Variants in OR51B5 observed in about 807,000 individuals in gnomAD.
OR51B5 encodes the protein olfactory receptor family 51 subfamily B member 5.
For missense variants in OR51B5, 456 were observed against 374.6 expected, an observed-to-expected ratio of 1.22 and a Z score of -1.79; for synonymous variants, 186 against 144.8, an observed-to-expected ratio of 1.28 and a Z score of -2.04.
intron 1 of OR51B5, chr11:5,488,690 T>A: frequency 6.4e-7 from 1 of 1,566,760 alleles, no homozygotes; most frequent in Non-Finnish European, 8.8e-7. Context: ...GAAAGAGCCC[T>A]TCATTTGCCA....
chr11:5,342,277 A>C (rs547015500), downstream of OR51B5, among the ~76,000 whole-genome samples: 2 of 152,186 alleles, frequency 1.3e-5, no homozygotes, highest in Non-Finnish European at 2.9e-5. Flanking sequence ...CTAACTTTAT[A>C]CCATGAAATA....
At chr11:5,451,305 C>T (rs1008990666) in intron 1 of OR51B5, among the ~76,000 whole-genome samples, 1 of 152,222 alleles carries the variant, frequency 6.6e-6, no homozygotes, top group Non-Finnish European at 1.5e-5. Flanking sequence ...GAACAAAATC[C>T]TGCTTTCAGC....
At chr11:5,416,130 A>G (rs2133755127) in intron 1 of OR51B5, among the ~76,000 whole-genome samples, 1 of 150,290 alleles carries the variant, frequency 6.7e-6, no homozygotes, top group East Asian at 1.9e-4. Context: ...ATATATGCAA[A>G]TCAATAAATG....
At chr11:5,420,697 CTA>C (rs1354015715) in intron 1 of OR51B5, among the ~76,000 whole-genome samples, 1 of 151,974 alleles carries the variant, frequency 6.6e-6, no homozygotes, top group Non-Finnish European at 1.5e-5. Context: ...ATTATTTTCT[CTA>C]TTTTATTTTT....
chr11:5,372,327 T>C (rs939306901), intron 1 of OR51B5, among the ~76,000 whole-genome samples: 1 of 146,232 alleles, frequency 6.8e-6, no homozygotes, highest in Non-Finnish European at 1.5e-5. Flanking sequence ...CTATTTTTAG[T>C]TGTTTGAGAA....
intron 1 of OR51B5, among the ~76,000 whole-genome samples, chr11:5,403,859 G>A (rs1850013969): frequency 6.6e-6 from 1 of 152,110 alleles, no homozygotes; most frequent in Non-Finnish European, 1.5e-5. Context: ...AAGGCACCTG[G>A]GAGTTAGAAG....
chr11:5,451,830 A>C (rs7942704), intron 1 of OR51B5, among the ~76,000 whole-genome samples: 71,190 of 151,964 alleles, frequency 0.47, 16,949 homozygotes, highest in Non-Finnish European at 0.5. Flanking sequence ...AATGAGGGTG[A>C]CCTATTAGCT....
chr11:5,453,879 C>T lies in OR51B5; in HGVS notation n.84+51690G>A, dbSNP rs780180209. 1.7e-5 allele frequency: 27 copies of T among 1,614,058 alleles called. No individual in the cohort carries two copies. Among genetic ancestry groups the T allele is most frequent in the African/African-American group, 1.1e-4 (8 of 74,928 alleles). ...CTATGTGGCCATTTGTGACCCCTTG[C>T]GCTATGCAACTGTGCTCACCACTGA... On this transcript the variant is annotated intron_variant and non_coding_transcript_variant, in intron 1 of 4. Coordinates refer to the OR51B5 transcript ENST00000415970.
At chr11:5,451,938 A>G (rs1850859561) in intron 1 of OR51B5, among the ~76,000 whole-genome samples, 1 of 152,232 alleles carries the variant, frequency 6.6e-6, no homozygotes, top group Non-Finnish European at 1.5e-5. Context: ...AATAAACAAT[A>G]CAATCACTGT....
chr11:5,454,298 C>T (rs755371544), intron 1 of OR51B5: 2 of 1,614,060 alleles, frequency 1.2e-6, no homozygotes, highest in Non-Finnish European at 1.7e-6. Flanking sequence ...ATGTCCCATG[C>T]TACATACATG....
At chr11:5,453,825 G>A in intron 1 of OR51B5, 1 of 1,614,180 alleles carries the variant, frequency 6.2e-7, no homozygotes, top group Non-Finnish European at 8.5e-7. Context: ...GATGGAATCA[G>A]GTATTCTGCT....
chr11:5,417,692 A>T (rs1191892292), intron 1 of OR51B5, among the ~76,000 whole-genome samples: 1 of 151,836 alleles, frequency 6.6e-6, no homozygotes, highest in Non-Finnish European at 1.5e-5. Flanking sequence ...ATCACTGGCC[A>T]TCAGAGGAAT....
chr11:5,407,472 C>T (rs1850075665), intron 1 of OR51B5, among the ~76,000 whole-genome samples: 1 of 152,148 alleles, frequency 6.6e-6, no homozygotes, highest in Non-Finnish European at 1.5e-5. Context: ...TATCTCTTTG[C>T]TCTGCAAAAT....
intron 1 of OR51B5, among the ~76,000 whole-genome samples, chr11:5,483,724 T>C (rs1590022774): frequency 6.6e-6 from 1 of 152,054 alleles, no homozygotes. Flanking sequence ...TTTCCCTCAA[T>C]AGATGGACCA....
At chr11:5,392,370 A>C (rs1457871907) in intron 1 of OR51B5, 1 of 152,198 alleles carries the variant, frequency 6.6e-6, no homozygotes, top group African/African-American at 2.4e-5. Context: ...GTTGAGAGGA[A>C]ATTCCTATTC....
chr11:5,377,583 T>C (rs1379879525), intron 1 of OR51B5, among the ~76,000 whole-genome samples: 1 of 152,074 alleles, frequency 6.6e-6, no homozygotes, highest in Non-Finnish European at 1.5e-5. Context: ...GCCCAAAATC[T>C]CCTTAAGCTG....
chr11:5,422,212 G>C (rs2736590), intron 1 of OR51B5: 651,399 of 1,607,114 alleles, frequency 0.41, 135,290 homozygotes, highest in East Asian at 0.68. Flanking sequence ...TGTCCCAGGT[G>C]ACTAACACCA....
In OR51B5 at chr11:5,428,074, A is replaced by G. The variant is rs539265130; in HGVS notation, n.84+77495T>C. ...ATTATGTGTTTAGATTTTCTTGGAT[A>G]TTTAAAGATGTGATACAACAATTTA... is the stretch of plus-strand genomic sequence containing the variant. On this transcript the variant is annotated intron_variant and non_coding_transcript_variant, in intron 1 of 4. Transcript: ENST00000415970. 5.3e-4 allele frequency among the ~76,000 whole-genome samples: 80 copies of G among 152,034 alleles called. 3 individuals are homozygous for G. In the South Asian group the frequency reaches 0.016, roughly 30 times the overall value.
intron 1 of OR51B5, among the ~76,000 whole-genome samples, chr11:5,357,506 G>A (rs1427442722): frequency 2.6e-4 from 40 of 152,240 alleles, no homozygotes; most frequent in South Asian, 4.1e-4. Flanking sequence ...AAGAGACTTA[G>A]ACTCTCACAC....
Sources: allele counts gnomAD v4.1 joint callset (sites outside exome capture counted in the v4.1 genomes callset), GRCh38; gene constraint gnomAD v4.1.1; transcripts MANE v1.5; gene names NCBI Gene and HGNC (gene_info 2026-07-23, HGNC 2026-07-21).